The following FRMPD2 variants were observed in gnomAD, a reference collection of about 807,000 sequenced individuals.
FRMPD2 encodes the protein FERM and PDZ domain containing 2.
Under a neutral mutation model 140.1 loss-of-function variants are expected in FRMPD2, and 96 were observed. The ratio of observed to expected loss-of-function variants is 0.69; its 90% confidence interval spans 0.58 to 0.81. FRMPD2 has a LOEUF of 0.81. Among genes scored for constraint, FRMPD2 ranks in the 40% least tolerant of loss-of-function variants. FRMPD2 has a pLI of 0.00. For missense variants in FRMPD2, 1,240 were observed against 1,447.4 expected, an observed-to-expected ratio of 0.86 and a Z score of 2.32; for synonymous variants, 449 against 547.6, an observed-to-expected ratio of 0.82 and a Z score of 2.52.
intron 10 of FRMPD2, among the ~76,000 whole-genome samples, chr10:48,231,440 A>T (rs1839845117): frequency 6.6e-6 from 1 of 152,204 alleles, no homozygotes; most frequent in African/African-American, 2.4e-5. Flanking sequence ...TGTTTTCACT[A>T]ATGAACTGGT....
intron 12 of FRMPD2, among the ~76,000 whole-genome samples, chr10:48,219,451 C>T (rs906471016): frequency 6.6e-6 from 1 of 152,148 alleles, no homozygotes; most frequent in South Asian, 2.1e-4. Context: ...TCTGCTCCTA[C>T]TGATACACCC....
intron 26 of FRMPD2, among the ~76,000 whole-genome samples, chr10:48,170,411 A>C (rs1349037746): frequency 6.6e-6 from 1 of 152,132 alleles, no homozygotes; most frequent in Non-Finnish European, 1.5e-5. Flanking sequence ...CTTTGGCCTC[A>C]GGATAGGGGT....
intron 5 of FRMPD2, among the ~76,000 whole-genome samples, chr10:48,241,344 T>G (rs1045184321): frequency 1.3e-5 from 2 of 152,186 alleles, no homozygotes; most frequent in African/African-American, 4.8e-5. Context: ...AGCTTACCTG[T>G]CTCTGGTTCC....
chr10:48,184,027 C>A (rs1174332046), intron 20 of FRMPD2, among the ~76,000 whole-genome samples: 2 of 151,838 alleles, frequency 1.3e-5, no homozygotes, highest in Non-Finnish European at 2.9e-5. Flanking sequence ...TGCTGAGCAC[C>A]TAGGTGATGA....
At chr10:48,218,949 A>G (rs942849504) in intron 12 of FRMPD2, among the ~76,000 whole-genome samples, 2 of 152,182 alleles carry the variant, frequency 1.3e-5, no homozygotes, top group African/African-American at 2.4e-5. Flanking sequence ...TTGATTTTCT[A>G]TCACTTCTAA....
At position 48,212,056 on chromosome 10, in the gene FRMPD2, C is replaced by G; in HGVS notation, c.1509G>C (p.Leu503=). The change falls in exon 13 of 29, where the codon CTG becomes CTC. Residue 503 remains leucine (L), a synonymous_variant. Transcript: ENST00000374201. The part of the protein sequence containing the change: ...FHVEDYIPAS[L]IERMTALRVQ... ...CCCGTAGAGCGGTCATCCTCTCGAT[C>G]AGACTCGCTGGGATGTAATCTTCAA... 1 of 1,614,122 alleles carries G rather than the reference C, an allele frequency of 6.2e-7. No individual in the cohort carries two copies. Among genetic ancestry groups the G allele is most frequent in the East Asian group, 2.2e-5 (1 of 44,876 alleles).
intron 12 of FRMPD2, among the ~76,000 whole-genome samples, 163 bp downstream of exon 12, chr10:48,222,126 GTGGATGGATGGATGGATGGATGGA>G (rs148237970): frequency 6.9e-6 from 1 of 144,126 alleles, no homozygotes; most frequent in South Asian, 2.3e-4. Flanking sequence ...CAATGAATAG[GTGGATGGATGGATGGATGGATGGA>G]TGGATGGATG....
chr10:48,211,113 G>T (rs114468861), intron 13 of FRMPD2, among the ~76,000 whole-genome samples: 3 of 152,238 alleles, frequency 2.0e-5, no homozygotes, highest in Admixed American at 1.3e-4. Context: ...GTAGACCGCA[G>T]TCCTCCCCAC....
chr10:48,272,209 G>A lies in FRMPD2; in HGVS notation c.25+2334C>T, dbSNP rs548256273. Among the ~76,000 whole-genome samples, 348 of 149,964 alleles carry A rather than the reference G, an allele frequency of 2.3e-3. 2 individuals are homozygous for A. The highest frequency in any genetic ancestry group is 8.0e-3 in the African/African-American group (318 of 39,970). On this transcript the variant is annotated intron_variant, in intron 1 of 28. Coordinates refer to ENST00000374201, the MANE Select transcript of FRMPD2 (RefSeq NM_001018071.4). ...AAGTATTCTTCCTAATTCTTCCTTC[G>A]TGCCCCCTTCATTTGCACCCATGAG... is the stretch of plus-strand genomic sequence containing the variant.
intron 18 of FRMPD2, among the ~76,000 whole-genome samples, 185 bp from the exon 19 acceptor site, chr10:48,185,066 A>G (rs1192599078): frequency 6.6e-6 from 1 of 152,226 alleles, no homozygotes; most frequent in Admixed American, 6.5e-5. Flanking sequence ...AGAAAGGTGG[A>G]TTGTTCCCCA....
Position 48,240,405 on chromosome 10 carries a change from C to T in FRMPD2, c.655G>A (p.Glu219Lys), listed in dbSNP as rs1482187278. The T allele has an allele frequency of 8.7e-6, 14 of 1,613,282 alleles. No homozygotes were observed. The highest frequency in any genetic ancestry group is 4.5e-5 in the East Asian group (2 of 44,900). Residue 219 changes from glutamate (E) to lysine (K), a missense_variant, in exon 6 of 29, where the codon GAG (glutamate) becomes AAG (lysine). Transcript: ENST00000374201. ...LRKRLRGTSSESPAAQAPECL... is the reference protein window; with the variant it reads ...LRKRLRGTSSKSPAAQAPECL... ...TCCGGGGCCTGTGCCGCTGGGCTCT[C>T]GCTGCTTGTCCCACGCAGCCTCTTC...
chr10:48,243,711 TGA>T (rs1272045958), intron 4 of FRMPD2, among the ~76,000 whole-genome samples: 1 of 151,996 alleles, frequency 6.6e-6, no homozygotes, highest in Non-Finnish European at 1.5e-5. Flanking sequence ...AGGTTGCATG[TGA>T]GAGTGGTCGT....
intron 3 of FRMPD2, among the ~76,000 whole-genome samples, chr10:48,246,073 T>A (rs1840241823): frequency 6.6e-6 from 1 of 152,138 alleles, no homozygotes; most frequent in Non-Finnish European, 1.5e-5. Flanking sequence ...ATAGATACCA[T>A]GCAAGAAAGT....
intron 7 of FRMPD2, 60 bp from the exon 8 acceptor site, chr10:48,238,183 A>C (rs1396126609): frequency 3.2e-6 from 5 of 1,572,924 alleles, no homozygotes; most frequent in Non-Finnish European, 4.3e-6. Context: ...CCATGGCATG[A>C]AAGACCACCC....
chr10:48,260,393 T>A (rs75533529), intron 1 of FRMPD2, among the ~76,000 whole-genome samples: 3,911 of 152,118 alleles, frequency 0.026, 167 homozygotes, highest in African/African-American at 0.089. Flanking sequence ...GGAGATGAGA[T>A]GAGATGTCCC....
intron 1 of FRMPD2, among the ~76,000 whole-genome samples, chr10:48,263,435 A>G (rs1005820595): frequency 2.0e-5 from 3 of 151,950 alleles, no homozygotes; most frequent in African/African-American, 7.2e-5. Context: ...CCAAGAGAGA[A>G]AAAAAAAGAG....
intron 13 of FRMPD2, among the ~76,000 whole-genome samples, chr10:48,210,576 C>T (rs556550789): frequency 1.3e-5 from 2 of 152,316 alleles, no homozygotes; most frequent in South Asian, 2.1e-4. Flanking sequence ...TTCTGTGGCT[C>T]TGTGACCACT....
At chr10:48,260,021 G>T (rs1482031722) in intron 1 of FRMPD2, among the ~76,000 whole-genome samples, 1 of 152,034 alleles carries the variant, frequency 6.6e-6, no homozygotes, top group Non-Finnish European at 1.5e-5. Context: ...TATAATATTG[G>T]ACAGGATATC....
chr10:48,235,846 G>A (rs1173064212), intron 9 of FRMPD2, among the ~76,000 whole-genome samples: 1 of 152,136 alleles, frequency 6.6e-6, no homozygotes, highest in Non-Finnish European at 1.5e-5. Flanking sequence ...ATGGGGCTCT[G>A]CAGGGGACGT....
Sources: gnomAD v4.1 joint callset for allele counts (sites outside exome capture counted in the v4.1 genomes callset) on GRCh38, gnomAD v4.1.1 for gene constraint, MANE v1.5 for transcripts, NCBI Gene and HGNC (gene_info 2026-07-23, HGNC 2026-07-21) for gene names.